ANO4: variants seen among roughly 807,000 people sequenced by gnomAD.
ANO4 encodes anoctamin 4.
A neutral mutation model predicts 141.9 loss-of-function variants in ANO4; 69 were observed. The ratio of observed to expected loss-of-function variants is 0.49; its 90% CI spans 0.40 to 0.59. The LOEUF (loss-of-function observed/expected upper bound fraction) is 0.59. ANO4 is among the 20% of genes least tolerant of loss of function. ANO4 has a pLI of 0.00. For missense variants in ANO4, 894 were observed against 1,162.2 expected (o/e 0.77, Z 3.36); for synonymous variants, 350 against 394.3 (o/e 0.89, Z 1.33).
chr12:100,852,537 A>G (rs2037932975), intron 1 of ANO4: 1 of 152,208 alleles, frequency 6.6e-6, no homozygotes, highest in African/African-American at 2.4e-5. Context: ...GAGGAAGGAG[A>G]TGGTCAGAAG....
At chr12:100,754,197 A>G (rs563208062) in intron 3 of ANO4, among the ~76,000 whole-genome samples, 5 of 152,324 alleles carry the variant, frequency 3.3e-5, no homozygotes, top group Non-Finnish European at 5.9e-5. Context: ...ATAACTCACA[A>G]TGTAATGTGC....
At chr12:100,815,604 T>C (rs1200541087) in intron 1 of ANO4, among the ~76,000 whole-genome samples, 3 of 152,156 alleles carry the variant, frequency 2.0e-5, no homozygotes, top group African/African-American at 7.2e-5. Context: ...TTCATATACT[T>C]TGAAAGTGTG....
intron 1 of ANO4, among the ~76,000 whole-genome samples, chr12:100,732,196 T>TA (rs1350758437): frequency 6.6e-6 from 1 of 152,248 alleles, no homozygotes; most frequent in Non-Finnish European, 1.5e-5. Flanking sequence ...TGTACCATTT[T>TA]GTATTCTCAC....
chr12:100,891,136 T>G (rs1289950262), intron 1 of ANO4, among the ~76,000 whole-genome samples: 15 of 152,232 alleles, frequency 9.9e-5, no homozygotes, highest in Non-Finnish European at 4.4e-5. Flanking sequence ...CACATGTCTT[T>G]TCATGGCTTG....
intron 14 of ANO4, among the ~76,000 whole-genome samples, chr12:101,051,522 TAGATAG>T (rs553594370): frequency 7.9e-5 from 12 of 152,250 alleles, no homozygotes; most frequent in Non-Finnish European, 1.3e-4. Context: ...TGTTTCTTTG[TAGATAG>T]AGATAATGCC....
intron 14 of ANO4, among the ~76,000 whole-genome samples, chr12:101,065,903 A>G (rs2048563957): frequency 6.6e-6 from 1 of 152,230 alleles, no homozygotes; most frequent in Non-Finnish European, 1.5e-5. Flanking sequence ...CATGAAAAAG[A>G]TCATTCATTA....
intron 5 of ANO4, among the ~76,000 whole-genome samples, chr12:100,957,016 T>A (rs2043198711): frequency 6.6e-6 from 1 of 152,236 alleles, no homozygotes; most frequent in Non-Finnish European, 1.5e-5. Flanking sequence ...GAGTTCTAAA[T>A]AAACTCTTAA....
chr12:100,797,844 A>G (rs2034429489), intron 1 of ANO4, among the ~76,000 whole-genome samples: 1 of 152,244 alleles, frequency 6.6e-6, no homozygotes, highest in Non-Finnish European at 1.5e-5. Flanking sequence ...ATGTACACAG[A>G]CAAACTCAGA....
chr12:100,921,638 G>T lies in ANO4; in HGVS notation c.56-588G>T, dbSNP rs186262739. 2.6e-5 allele frequency among the ~76,000 whole-genome samples: 4 copies of T among 152,086 alleles called. No individual in the cohort carries two copies. The East Asian group carries it at 5.8e-4, about 22-fold the overall frequency. On this transcript the variant is annotated intron_variant, in intron 2 of 27. Transcript: ENST00000392977. ...GCAGCATAAAAACTTTCTTTCTTTAGAACATGCCAAAAATACATCAGACAA... is the reference window on the plus strand; with the variant it reads ...GCAGCATAAAAACTTTCTTTCTTTATAACATGCCAAAAATACATCAGACAA...
rs55723203 is a variant in ANO4 at position 101,073,566 on chromosome 12, TATAATAATA to T, written c.1313-5604_1313-5596del. On this transcript the variant is annotated intron_variant, in intron 14 of 27. Coordinates refer to ENST00000392977, the MANE Select transcript of ANO4 (RefSeq NM_001286615.2). Reference sequence around the variant, plus strand: ...TGCACATATACCCTAGAACTTAAAGTATAATAATAATAATAATAATAATAATAATAAAAG... The same window carrying T: ...TGCACATATACCCTAGAACTTAAAGTATAATAATAATAATAATAATAAAAG... 5.9e-3 allele frequency among the ~76,000 whole-genome samples: 847 copies of T among 143,628 alleles called. 15 individuals are homozygous for T. The highest frequency in any genetic ancestry group is 0.021 in the African/African-American group (807 of 38,896). The allele number at this position is 143,628 out of a possible 152,430, so 94.2% of individuals were successfully genotyped here.
At chr12:100,855,435 G>C (rs922070757) in intron 1 of ANO4, among the ~76,000 whole-genome samples, 3 of 152,068 alleles carry the variant, frequency 2.0e-5, no homozygotes, top group African/African-American at 7.2e-5. Context: ...ATAGGGTGCT[G>C]TTGTTACAAT....
intron 1 of ANO4, among the ~76,000 whole-genome samples, chr12:100,859,676 C>T (rs746945984): frequency 3.9e-5 from 6 of 152,166 alleles, no homozygotes; most frequent in Non-Finnish European, 8.8e-5. Context: ...TCTAACCTAT[C>T]GCACAATAGT....
chr12:101,015,782 G>A (rs1023797916), intron 8 of ANO4, among the ~76,000 whole-genome samples: 1 of 152,120 alleles, frequency 6.6e-6, no homozygotes, highest in Admixed American at 6.6e-5. Flanking sequence ...TGAAGCCCTG[G>A]TCAGAGACTG....
At chr12:101,081,217 G>C (rs1011762558) in intron 15 of ANO4, among the ~76,000 whole-genome samples, 2 of 151,844 alleles carry the variant, frequency 1.3e-5, no homozygotes, top group African/African-American at 4.8e-5. Context: ...TTCTTTCCTG[G>C]GAATCACCTT....
At chr12:100,997,679 C>T (rs568328327) in intron 8 of ANO4, among the ~76,000 whole-genome samples, 3 of 152,060 alleles carry the variant, frequency 2.0e-5, no homozygotes, top group Non-Finnish European at 4.4e-5. Context: ...GCCTTTACAC[C>T]AAAGGGGCCA....
intron 3 of ANO4, among the ~76,000 whole-genome samples, chr12:100,777,394 C>T (rs1165018453): frequency 7.0e-6 from 1 of 143,746 alleles, no homozygotes; most frequent in Non-Finnish European, 1.5e-5. Flanking sequence ...GCTGGGATTA[C>T]AGGCATGAGC....
intron 3 of ANO4, among the ~76,000 whole-genome samples, chr12:100,757,572 G>A (rs2032669211): frequency 6.6e-6 from 1 of 152,142 alleles, no homozygotes; most frequent in African/African-American, 2.4e-5. Flanking sequence ...TATGGAGGGT[G>A]GAGCCACTGC....
intron 1 of ANO4, among the ~76,000 whole-genome samples, chr12:100,800,158 T>G (rs1159361968): frequency 2.0e-5 from 3 of 152,256 alleles, no homozygotes; most frequent in South Asian, 4.1e-4. Flanking sequence ...ACAAAAACTA[T>G]GCATAGTTTT....
intron 1 of ANO4, among the ~76,000 whole-genome samples, chr12:100,717,712 G>A (rs1397313491): frequency 6.6e-6 from 1 of 152,250 alleles, no homozygotes; most frequent in Admixed American, 6.5e-5. Context: ...GATGTTCCGC[G>A]GGGTTTCGGG....
Sources: gnomAD v4.1 joint callset for allele counts (sites outside exome capture counted in the v4.1 genomes callset) on GRCh38, gnomAD v4.1.1 for gene constraint, MANE v1.5 for transcripts, NCBI Gene and HGNC (gene_info 2026-07-23, HGNC 2026-07-21) for gene names.